CDS1: variants seen among roughly 807,000 people sequenced by gnomAD.
CDS1 encodes CDP-diacylglycerol synthase 1, also known as phosphatidate cytidylyltransferase 1.
Under a neutral mutation model 62.1 loss-of-function variants are expected in CDS1, and 41 were observed. The observed-to-expected ratio is 0.66, with a 90% confidence interval of 0.51 to 0.86. The LOEUF is 0.86. CDS1 is among the 40% of genes least tolerant of loss of function. The pLI is 0.00. For missense variants in CDS1, 470 were observed against 550.1 expected, an observed-to-expected ratio of 0.85 and a Z score of 1.46; for synonymous variants, 185 against 192.6, an observed-to-expected ratio of 0.96 and a Z score of 0.32.
In CDS1 at chr4:84,599,630, G is replaced by GTA. The variant is rs543750981; in HGVS notation, c.118-4599_118-4598dup. ...ATGGAATAATATAATACGTGTGTGTGTATATATATATATATGTATTACATG... is the reference window on the plus strand; with the variant it reads ...ATGGAATAATATAATACGTGTGTGTGTATATATATATATATATGTATTACATG... On this transcript the variant is annotated intron_variant, in intron 1 of 12. Transcript: ENST00000295887. 2.7e-3 allele frequency among the ~76,000 whole-genome samples: 399 copies of GTA among 150,006 alleles called. 2 individuals carry two copies. The highest frequency in any genetic ancestry group is 8.4e-3 in the African/African-American group (345 of 40,920).
At chr4:84,622,782 C>G (rs1227989859) in intron 5 of CDS1, among the ~76,000 whole-genome samples, 1 of 152,102 alleles carries the variant, frequency 6.6e-6, no homozygotes, top group Admixed American at 6.5e-5. Context: ...TCTTAGTTTA[C>G]TTTAGGCATT....
At chr4:84,624,273 C>CAA (rs1268924462) in intron 5 of CDS1, among the ~76,000 whole-genome samples, 1 of 56,476 alleles carries the variant, frequency 1.8e-5, no homozygotes, top group Non-Finnish European at 3.8e-5. Flanking sequence ...GACTCTGTCT[C>CAA]AAAAAAAAAA....
chr4:84,593,608 G>A (rs935732037), intron 1 of CDS1, among the ~76,000 whole-genome samples: 3 of 151,856 alleles, frequency 2.0e-5, no homozygotes, highest in East Asian at 1.9e-4. Context: ...AGATTCAAGC[G>A]ATTCTCCTGC....
At position 84,614,166 on chromosome 4, in the gene CDS1, A is replaced by G. The variant is rs573298871; in HGVS notation, c.343-3398A>G. On this transcript the variant is annotated intron_variant, in intron 3 of 12. Transcript: ENST00000295887. ...GTGGCACACACCTGTAGTCTCAGCTATTCGAGAGGCTGAGGCAGGAGGATC... is the reference window on the plus strand; with the variant it reads ...GTGGCACACACCTGTAGTCTCAGCTGTTCGAGAGGCTGAGGCAGGAGGATC... Among the ~76,000 whole-genome samples, 4 of 152,302 alleles carry G rather than the reference A, an allele frequency of 2.6e-5. No homozygotes were observed. The South Asian group carries it at 8.3e-4, about 32-fold the overall frequency.
At chr4:84,611,014 G>A (rs959280095) in intron 3 of CDS1, among the ~76,000 whole-genome samples, 7 of 152,324 alleles carry the variant, frequency 4.6e-5, no homozygotes, top group African/African-American at 1.2e-4. Context: ...GAGCAAAGAC[G>A]GAGCTGGGAG....
In CDS1 at chr4:84,604,266, T is replaced by A. The variant is rs140772519; in HGVS notation, c.141T>A (p.Tyr47Ter). ...SDKETDIDDR[Y>*]GDLDSRTDSD... The stretch of plus-strand genomic sequence containing the variant: ...AGGAAACAGATATTGATGACAGATA[T>A]GGAGATTTGGATTCCAGAACAGATT... The change falls in exon 2 of 13, where the codon TAT becomes TAA. Residue 47 changes from tyrosine (Y) to a stop codon, truncating the protein, a stop_gained. Transcript: ENST00000295887. LOFTEE classifies it high-confidence loss of function. 2.5e-6 allele frequency: 4 copies of A among 1,612,206 alleles called. No homozygotes were observed. Among genetic ancestry groups the A allele is most frequent in the Non-Finnish European group, 3.4e-6 (4 of 1,179,124 alleles).
At chr4:84,595,326 G>T (rs1722716159) in intron 1 of CDS1, among the ~76,000 whole-genome samples, 1 of 152,144 alleles carries the variant, frequency 6.6e-6, no homozygotes, top group Non-Finnish European at 1.5e-5. Flanking sequence ...AGTTTCTCTG[G>T]TGTCCCTTTG....
chr4:84,615,702 TTATTTC>T (rs1723470170), intron 3 of CDS1, among the ~76,000 whole-genome samples: 1 of 152,196 alleles, frequency 6.6e-6, no homozygotes, highest in Non-Finnish European at 1.5e-5. Flanking sequence ...ATGCCCTATG[TTATTTC>T]TATAAGTCCT....
chr4:84,626,059 C>G (rs939089816), intron 5 of CDS1, among the ~76,000 whole-genome samples: 1 of 151,890 alleles, frequency 6.6e-6, no homozygotes, highest in Non-Finnish European at 1.5e-5. Flanking sequence ...CCCAGCTACT[C>G]GGGAGGCTGA....
rs1325446284 is a variant in CDS1, at chr4:84,631,785, G to A, written c.581-34G>A. On this transcript the variant is annotated intron_variant, in intron 5 of 12. Coordinates refer to ENST00000295887, the MANE Select transcript of CDS1 (RefSeq NM_001263.4). ...GAATCTTAACCCTTTGTACCAAATT[G>A]TACAACGAGCACATGTTTTTTGTTC... 8.8e-6 allele frequency: 14 copies of A among 1,585,618 alleles called. No homozygotes were observed. The Admixed American group carries it at 1.7e-4, about 19-fold the overall frequency.
chr4:84,636,582 T>A (rs1052775871), intron 8 of CDS1, among the ~76,000 whole-genome samples: 2 of 152,188 alleles, frequency 1.3e-5, no homozygotes, highest in African/African-American at 2.4e-5. Flanking sequence ...TGTAGTGCAG[T>A]GGCGCAATCT....
chr4:84,604,301 C>T lies in CDS1; in HGVS notation c.176C>T (p.Pro59Leu), dbSNP rs779270820. 4.8e-5 allele frequency: 78 copies of T among 1,611,094 alleles called. No individual in the cohort carries two copies. Among genetic ancestry groups the T allele is most frequent in the Middle Eastern group, 1.7e-4 (1 of 6,044 alleles). ...GATTCCAGAACAGATTCTGATATTC[C>T]GGAAATTCCACCATCCTCAGATAGA... The part of the protein sequence containing the change: ...DLDSRTDSDI[P>L]EIPPSSDRTP... Residue 59 changes from proline (P) to leucine (L), a missense_variant, in exon 2 of 13, where the codon CCG (proline) becomes CTG (leucine). Coordinates refer to ENST00000295887, the MANE Select transcript of CDS1 (RefSeq NM_001263.4).
rs769616565 is a variant in CDS1 at position 84,604,262 on chromosome 4, G to A, written c.137G>A (p.Arg46Lys). The A allele has an allele frequency of 3.7e-6, 6 of 1,612,106 alleles. No homozygotes were observed. The African/African-American group carries it at 6.7e-5, about 18-fold the overall frequency. ...TSDKETDIDD[R>K]YGDLDSRTDS... Reference sequence around the variant, plus strand: ...TTTTAGGAAACAGATATTGATGACAGATATGGAGATTTGGATTCCAGAACA... The same window carrying A: ...TTTTAGGAAACAGATATTGATGACAAATATGGAGATTTGGATTCCAGAACA... The change falls in exon 2 of 13, where the codon AGA becomes AAA. Residue 46 changes from arginine to lysine, a missense_variant. Physicochemically the swap from Arg to Lys is conservative, Grantham distance 26 (BLOSUM62 2). Around this residue, in one of 5 missense-constraint regions of CDS1, gnomAD observed 150 missense variants for 142.0 expected, o/e 1.06. Coordinates refer to ENST00000295887, the MANE Select transcript of CDS1 (RefSeq NM_001263.4).
At chr4:84,613,589 G>A (rs768576752) in intron 3 of CDS1, among the ~76,000 whole-genome samples, 1 of 152,064 alleles carries the variant, frequency 6.6e-6, no homozygotes, top group Non-Finnish European at 1.5e-5. Context: ...CAGCCTGGGC[G>A]ACAGAGTGAG....
At chr4:84,628,923 C>T (rs887629430) in intron 5 of CDS1, among the ~76,000 whole-genome samples, 5 of 151,964 alleles carry the variant, frequency 3.3e-5, no homozygotes, top group African/African-American at 7.3e-5. Context: ...TGCTGGGCAA[C>T]GAGATGTACG....
intron 5 of CDS1, among the ~76,000 whole-genome samples, chr4:84,625,314 A>G (rs189303038): frequency 2.6e-5 from 4 of 152,304 alleles, no homozygotes; most frequent in African/African-American, 9.6e-5. Flanking sequence ...AAAGCTAGAT[A>G]CTGTGAATGA....
In CDS1 at chr4:84,643,022, A is replaced by G; in HGVS notation, c.1033-2A>G. On this transcript the variant is annotated splice_acceptor_variant, in intron 10 of 12. Coordinates refer to ENST00000295887, the MANE Select transcript of CDS1 (RefSeq NM_001263.4). LOFTEE classifies it high-confidence loss of function. Reference sequence around the variant, plus strand: ...TCTCCTCCCCTTCTTTCTCCTCTTTAGGAAAGAGTGAGCTTGTACCCTTTC... The same window carrying G: ...TCTCCTCCCCTTCTTTCTCCTCTTTGGGAAAGAGTGAGCTTGTACCCTTTC... The G allele has an allele frequency of 6.3e-7, 1 of 1,590,248 alleles. No homozygotes were observed. The highest frequency in any genetic ancestry group is 8.6e-7 in the Non-Finnish European group (1 of 1,165,018).
intron 1 of CDS1, among the ~76,000 whole-genome samples, chr4:84,598,126 CAAA>C (rs879924741): frequency 8.4e-5 from 7 of 82,980 alleles, no homozygotes; most frequent in Non-Finnish European, 7.9e-5. Flanking sequence ...ACTCCATCTC[CAAA>C]AAAAAAAAAA....
chr4:84,648,839 A>T lies in CDS1; in HGVS notation c.*153A>T. The T allele has an allele frequency of 1.5e-6, 1 of 689,026 alleles. No homozygotes were observed. Among genetic ancestry groups the T allele is most frequent in the Non-Finnish European group, 2.3e-6 (1 of 432,490 alleles). The allele number at this position is 689,026 out of a possible 1,614,324, so 42.7% of individuals were successfully genotyped here. Reference sequence around the variant, plus strand: ...CTGAAATTACTGTGAATATTTAACAAACACTTACTTGATCTATGTTATGAA... The same window carrying T: ...CTGAAATTACTGTGAATATTTAACATACACTTACTTGATCTATGTTATGAA... On this transcript the variant is annotated 3_prime_UTR_variant, in exon 13 of 13. Coordinates refer to ENST00000295887, the MANE Select transcript of CDS1 (RefSeq NM_001263.4).
Sources: gnomAD v4.1 joint callset for allele counts (sites outside exome capture counted in the v4.1 genomes callset) on GRCh38, gnomAD v4.1.1 for gene constraint, gnomAD v4.1.1 regional missense constraint, MANE v1.5 for transcripts, NCBI Gene and HGNC (gene_info 2026-07-23, HGNC 2026-07-21) for gene names.